Variants in LRRC37A3 observed in about 807,000 individuals in gnomAD.
LRRC37A3 encodes the protein leucine rich repeat containing 37 member A3, also known as leucine-rich repeat-containing protein 37A3.
LRRC37A3 carries 25 observed loss-of-function variants against 106.2 expected under a neutral mutation model. The ratio of observed to expected loss-of-function variants is 0.24; its 90% confidence interval spans 0.17 to 0.33. LRRC37A3 has a LOEUF of 0.33. Among genes scored for constraint, LRRC37A3 ranks in the 10% least tolerant of loss-of-function variants. LRRC37A3 has a pLI of 1.00. For missense variants in LRRC37A3, 712 were observed against 1,644.9 expected (o/e 0.43, Z 9.81); for synonymous variants, 305 against 635.8 (o/e 0.48, Z 7.83).
rs536154555 is a variant in LRRC37A3 at position 64,873,410 on chromosome 17, T to C, written c.2907-4244A>G. ...CCTGGCCTCAGCCTCAACCTCAGCCTCAGCCTCCCAAAGTGCTGGGGTTAT... is the reference window on the plus strand; with the variant it reads ...CCTGGCCTCAGCCTCAACCTCAGCCCCAGCCTCCCAAAGTGCTGGGGTTAT... On this transcript the variant is annotated intron_variant, in intron 8 of 14. Transcript: ENST00000584306. Among the ~76,000 whole-genome samples, 12 of 152,318 alleles carry C rather than the reference T, an allele frequency of 7.9e-5. No homozygotes were observed. In the East Asian group the frequency reaches 2.3e-3, roughly 29 times the overall value.
intron 8 of LRRC37A3, among the ~76,000 whole-genome samples, chr17:64,872,376 AGTAGTCGC>A (rs1476277683): frequency 6.6e-6 from 1 of 152,152 alleles, no homozygotes; most frequent in Non-Finnish European, 1.5e-5. Flanking sequence ...TCTCTAGCTC[AGTAGTCGC>A]CTTGAAAAAC....
At chr17:64,864,699 C>T (rs1179344341) in intron 10 of LRRC37A3, among the ~76,000 whole-genome samples, 1 of 151,786 alleles carries the variant, frequency 6.6e-6, no homozygotes, top group African/African-American at 2.4e-5. Context: ...TGTTTAATCT[C>T]TGTTCCTTGG....
intron 10 of LRRC37A3, among the ~76,000 whole-genome samples, chr17:64,867,750 C>A (rs1449669493): frequency 6.6e-6 from 1 of 151,884 alleles, no homozygotes; most frequent in Admixed American, 6.6e-5. Flanking sequence ...GGTGCAACAA[C>A]ATGGATGGTA....
At chr17:64,877,218 C>G (rs1420896352) in intron 8 of LRRC37A3, among the ~76,000 whole-genome samples, 4 of 152,108 alleles carry the variant, frequency 2.6e-5, no homozygotes, top group Non-Finnish European at 5.9e-5. Flanking sequence ...GAAACCCCAT[C>G]TCCATTGGAG....
intron 2 of LRRC37A3, among the ~76,000 whole-genome samples, chr17:64,903,005 G>T (rs1182397629): frequency 6.6e-6 from 1 of 151,774 alleles, no homozygotes; most frequent in Non-Finnish European, 1.5e-5. Flanking sequence ...ATCAGTTAAG[G>T]CTACACTCCT....
At chr17:64,868,884 T>C (rs1973210859) in intron 9 of LRRC37A3, among the ~76,000 whole-genome samples, 1 of 152,246 alleles carries the variant, frequency 6.6e-6, no homozygotes, top group Admixed American at 6.5e-5. Flanking sequence ...CAAATCTATA[T>C]GGGTTCTTCA....
chr17:64,858,012 A>G (rs1972738094), intron 13 of LRRC37A3, among the ~76,000 whole-genome samples: 1 of 152,212 alleles, frequency 6.6e-6, no homozygotes, highest in Non-Finnish European at 1.5e-5. Context: ...TAATCGAACA[A>G]AAGACAGAGG....
rs148306009 is a variant in LRRC37A3, at chr17:64,860,880, G to A, written c.3266C>T (p.Pro1089Leu). 1.7e-4 allele frequency: 279 copies of A among 1,614,034 alleles called. No individual in the cohort carries two copies. Among genetic ancestry groups the A allele is most frequent in the Admixed American group, 3.3e-4 (20 of 60,002 alleles). ...GCCACTGCTGTCTGAGGGCTCCTCC[G>A]GCTCAATAATCAGCTCAGTGCTTGT... ...NYTSTELIIE[P>L]EEPSDSSGIN... The change falls in exon 12 of 15, where the codon CCG becomes CTG. Residue 1089 changes from proline to leucine, a missense_variant. Coordinates refer to ENST00000584306, the MANE Select transcript of LRRC37A3 (RefSeq NM_199340.5).
Position 64,859,828 on chromosome 17 carries a change from G to T in LRRC37A3, c.4318C>A (p.Gln1440Lys). The T allele has an allele frequency of 1.2e-6, 2 of 1,612,216 alleles. No individual in the cohort carries two copies. Among genetic ancestry groups the T allele is most frequent in the East Asian group, 2.2e-5 (1 of 44,858 alleles). ...TAFNLGPTVKQTETKWEYNNV... is the reference protein window; with the variant it reads ...TAFNLGPTVKKTETKWEYNNV... ...TTGTATTCCCATTTTGTCTCAGTTT[G>T]TTTAACAGTTGGCCCTAAGTTGAAT... The change falls in exon 12 of 15, where the codon CAA becomes AAA. Residue 1440 changes from glutamine to lysine, a missense_variant. Gln to Lys is a moderately conservative substitution (Grantham distance 53). Coordinates refer to ENST00000584306, the MANE Select transcript of LRRC37A3 (RefSeq NM_199340.5).
chr17:64,877,917 T>G (rs1020075809), intron 8 of LRRC37A3, among the ~76,000 whole-genome samples: 12 of 152,184 alleles, frequency 7.9e-5, no homozygotes, highest in African/African-American at 2.9e-4. Context: ...TAATGTTTTT[T>G]TTTTTAAAAT....
chr17:64,880,849 G>A (rs886223315), intron 8 of LRRC37A3, among the ~76,000 whole-genome samples: 1 of 152,010 alleles, frequency 6.6e-6, no homozygotes, highest in African/African-American at 2.4e-5. Context: ...AGGAGACAGA[G>A]ATGAAAGGAC....
At position 64,854,152 on chromosome 17, in the gene LRRC37A3, C is replaced by T. The variant is rs1567758894; in HGVS notation, c.*447G>A. On this transcript the variant is annotated 3_prime_UTR_variant, in exon 15 of 15. Transcript: ENST00000584306. ...ACATTTTAAAAAAAGCAATGTGAAT[C>T]TTTTGCCATCTTGTAAGGGTGAAAA... Among the ~76,000 whole-genome samples the T allele has an allele frequency of 2.0e-5, 3 of 152,210 alleles. No homozygotes were observed. The highest frequency in any genetic ancestry group is 1.3e-4 in the Admixed American group (2 of 15,288).
intron 8 of LRRC37A3, among the ~76,000 whole-genome samples, chr17:64,879,855 A>C (rs1423628582): frequency 6.6e-6 from 1 of 152,076 alleles, no homozygotes; most frequent in Non-Finnish European, 1.5e-5. Flanking sequence ...GCTTGAGCCC[A>C]GGAGTTTGAG....
Position 64,854,643 on chromosome 17 carries a change from C to T in LRRC37A3, c.4861G>A (p.Asp1621Asn). The change falls in exon 15 of 15, where the codon GAC (aspartate) becomes AAC (asparagine). Residue 1621 changes from aspartate to asparagine, a missense_variant and splice_region_variant. Physicochemically the swap from Asp to Asn is conservative, Grantham distance 23. Coordinates refer to ENST00000584306, the MANE Select transcript of LRRC37A3 (RefSeq NM_199340.5). ...TCCTCCTCCGTTGGGGCTTCGCTGT[C>T]CCTGGGATAAGAATAACAATGCCAA... Reference protein sequence around the residue: ...LQEDEEGFSRDSEAPTEEESE... With the variant: ...LQEDEEGFSRNSEAPTEEESE... 1.2e-6 allele frequency: 2 copies of T among 1,613,540 alleles called. No individual in the cohort carries two copies. The highest frequency in any genetic ancestry group is 1.7e-6 in the Non-Finnish European group (2 of 1,179,862).
At chr17:64,873,383 C>T (rs1973386423) in intron 8 of LRRC37A3, among the ~76,000 whole-genome samples, 1 of 152,098 alleles carries the variant, frequency 6.6e-6, no homozygotes, top group South Asian at 2.1e-4. Context: ...TGGTCTTGAA[C>T]TCCTGGCCTC....
At position 64,854,585 on chromosome 17, in the gene LRRC37A3, G is replaced by A. The variant is rs753088622; in HGVS notation, c.*14C>T. 1.1e-5 allele frequency: 18 copies of A among 1,613,796 alleles called. No individual in the cohort carries two copies. Among genetic ancestry groups the A allele is most frequent in the Non-Finnish European group, 1.4e-5 (17 of 1,179,870 alleles). ...TATTTTTGCAGGAGGCCTGAGGTGG[G>A]CTGGGTTCTCCTCCTATGGCAGGGC... On this transcript the variant is annotated 3_prime_UTR_variant, in exon 15 of 15. Coordinates refer to ENST00000584306, the MANE Select transcript of LRRC37A3 (RefSeq NM_199340.5).
At chr17:64,904,316 G>A (rs576282867) in intron 2 of LRRC37A3, among the ~76,000 whole-genome samples, 36 of 152,366 alleles carry the variant, frequency 2.4e-4, no homozygotes, top group African/African-American at 8.7e-4. Context: ...CCCATCTCCA[G>A]AAAAAATAAT....
chr17:64,869,493 A>G (rs1481124833), intron 8 of LRRC37A3, among the ~76,000 whole-genome samples: 2 of 152,026 alleles, frequency 1.3e-5, no homozygotes, highest in Non-Finnish European at 2.9e-5. Flanking sequence ...CGGAGGAAAC[A>G]GTATTTCTAG....
intron 12 of LRRC37A3, among the ~76,000 whole-genome samples, 170 bp from the exon 13 acceptor site, chr17:64,859,053 G>C (rs1163113593): frequency 6.6e-6 from 1 of 152,032 alleles, no homozygotes; most frequent in Non-Finnish European, 1.5e-5. Flanking sequence ...CCTGGGCTCA[G>C]GTGATCCTCC....
Sources: allele counts gnomAD v4.1 joint callset (sites outside exome capture counted in the v4.1 genomes callset), GRCh38; gene constraint gnomAD v4.1.1; transcripts MANE v1.5; gene names NCBI Gene and HGNC (gene_info 2026-07-23, HGNC 2026-07-21).